The following PTGER3 variants were observed in gnomAD, a reference collection of about 807,000 sequenced individuals.
The protein encoded by PTGER3 is prostaglandin E receptor 3, also known as prostaglandin E2 receptor EP3 subtype.
PTGER3 carries 22 observed loss-of-function variants against 34.7 expected under a neutral mutation model. The observed-to-expected ratio is 0.63, with a 90% CI of 0.45 to 0.91. PTGER3 has a LOEUF of 0.91. PTGER3 is among the 40% of genes least tolerant of loss of function. The pLI is 0.00. For missense variants in PTGER3, 468 were observed against 519.4 expected, an observed-to-expected ratio of 0.90 and a Z score of 0.96; for synonymous variants, 241 against 230.1, an observed-to-expected ratio of 1.05 and a Z score of -0.43.
chr1:71,019,321 C>T (rs1349115434), intron 1 of PTGER3, among the ~76,000 whole-genome samples: 1 of 152,160 alleles, frequency 6.6e-6, no homozygotes, highest in Non-Finnish European at 1.5e-5. Context: ...TTTCAAACAG[C>T]CTCATATAAC....
At chr1:70,920,313 T>C (rs1647403669) in intron 4 of PTGER3, among the ~76,000 whole-genome samples, 1 of 152,196 alleles carries the variant, frequency 6.6e-6, no homozygotes, top group South Asian at 2.1e-4. Flanking sequence ...TACTTTCTTG[T>C]TAAAATGGCA....
At chr1:70,907,844 G>A (rs776473571) in intron 4 of PTGER3, among the ~76,000 whole-genome samples, 2 of 152,184 alleles carry the variant, frequency 1.3e-5, no homozygotes, top group Admixed American at 6.5e-5. Flanking sequence ...TTTCATGTGA[G>A]CTGAAAGCGG....
intron 2 of PTGER3, among the ~76,000 whole-genome samples, chr1:70,955,204 T>C (rs1322225402): frequency 6.6e-6 from 1 of 152,166 alleles, no homozygotes; most frequent in Admixed American, 6.5e-5. Flanking sequence ...GGAAGTAAGT[T>C]AATTAAGCCA....
intron 4 of PTGER3, among the ~76,000 whole-genome samples, chr1:70,900,128 C>T (rs1232966566): frequency 6.6e-6 from 1 of 152,130 alleles, no homozygotes; most frequent in Non-Finnish European, 1.5e-5. Flanking sequence ...TGTTTTGATA[C>T]AAAGCTTGTT....
At chr1:70,986,445 CCTAAGGCAA>C (rs1181218054) in intron 2 of PTGER3, among the ~76,000 whole-genome samples, 4 of 152,112 alleles carry the variant, frequency 2.6e-5, no homozygotes, top group Non-Finnish European at 4.4e-5. Flanking sequence ...AGGGGACGAG[CCTAAGGCAA>C]TGGACTGGAG....
intron 1 of PTGER3, among the ~76,000 whole-genome samples, chr1:71,027,638 A>G (rs1659051113): frequency 6.6e-6 from 1 of 152,234 alleles, no homozygotes; most frequent in Admixed American, 6.5e-5. Context: ...TTGGAAAATC[A>G]TCAGTCTAAT....
At chr1:71,037,407 G>A (rs894718637) in intron 1 of PTGER3, among the ~76,000 whole-genome samples, 5 of 152,174 alleles carry the variant, frequency 3.3e-5, no homozygotes, top group Admixed American at 6.5e-5. Flanking sequence ...CTCGAGCAAC[G>A]TAACTGCTCA....
Position 70,964,541 on chromosome 1 carries a change from A to G in PTGER3, c.1078-10752T>C, listed in dbSNP as rs1265965468. ...CAGGGGAACTCCCCTTTATAAAACC[A>G]TCATCTCTTGTGAGATGTATTCACT... On this transcript the variant is annotated intron_variant, in intron 2 of 3. Coordinates refer to the PTGER3 transcript ENST00000356595. Among the ~76,000 whole-genome samples the G allele has an allele frequency of 2.0e-5, 3 of 152,106 alleles. No individual in the cohort carries two copies. In the East Asian group the frequency reaches 5.8e-4, roughly 29 times the overall value.
chr1:70,953,799 A>G (rs966124202), intron 2 of PTGER3: 1 of 1,287,462 alleles, frequency 7.8e-7, no homozygotes, highest in South Asian at 1.5e-5. Context: ...TCTGAAAAAG[A>G]GTAATAACAG....
At chr1:70,933,985 T>G (rs949645150) in intron 4 of PTGER3, among the ~76,000 whole-genome samples, 6 of 152,148 alleles carry the variant, frequency 3.9e-5, no homozygotes, top group African/African-American at 1.4e-4. Flanking sequence ...AGTATGCACA[T>G]GGAAGAATAG....
intron 1 of PTGER3, among the ~76,000 whole-genome samples, chr1:71,042,695 AT>A (rs1660421583): frequency 6.6e-6 from 1 of 152,210 alleles, no homozygotes; most frequent in African/African-American, 2.4e-5. Flanking sequence ...ATTTCTGAAA[AT>A]AATTCATCAT....
intron 3 of PTGER3, among the ~76,000 whole-genome samples, chr1:70,953,278 G>T (rs1046589460): frequency 6.6e-6 from 1 of 152,102 alleles, no homozygotes; most frequent in African/African-American, 2.4e-5. Context: ...AGGGATTTGA[G>T]CATCCTGGGA....
At chr1:71,006,468 G>T (rs1656976700) in intron 2 of PTGER3, 1 of 985,400 alleles carries the variant, frequency 1.0e-6, no homozygotes, top group Non-Finnish European at 1.2e-6. Context: ...TTAAAGGGTT[G>T]TACTATGAGC....
chr1:71,044,005 C>T (rs1362297030), intron 1 of PTGER3, among the ~76,000 whole-genome samples: 5 of 151,238 alleles, frequency 3.3e-5, no homozygotes, highest in Admixed American at 3.3e-4. Context: ...TTAGTAGAGG[C>T]GGGGTTTGGC....
rs35755252 is a variant in PTGER3, at chr1:70,862,253, TA to T, written c.*24-9395del. On this transcript the variant is annotated intron_variant, in intron 4 of 4. Coordinates refer to the PTGER3 transcript ENST00000370931. ...CAAATGGAGATTTAAACATACTAAGTAAAAAAAAATATTAATAGTAACTGGT... is the reference window on the plus strand; with the variant it reads ...CAAATGGAGATTTAAACATACTAAGTAAAAAAAATATTAATAGTAACTGGT... The T allele has an allele frequency of 1.5e-3, 1,427 of 947,238 alleles. 11 individuals are homozygous for T. In the African/African-American group the frequency reaches 0.017, roughly 11 times the overall value. 58.7% of individuals were successfully genotyped at this position (947,238 alleles called of 1,614,324 possible). A position where few individuals can be genotyped will look rare whatever the true frequency, so the allele number is the denominator to read the frequency against.
chr1:70,975,179 T>C (rs1179874336), intron 2 of PTGER3, among the ~76,000 whole-genome samples: 2 of 152,176 alleles, frequency 1.3e-5, no homozygotes, highest in African/African-American at 2.4e-5. Flanking sequence ...GAACTGTGCC[T>C]GGTTTTGCTT....
At chr1:70,900,748 C>T (rs968411136) in intron 4 of PTGER3, among the ~76,000 whole-genome samples, 2 of 152,074 alleles carry the variant, frequency 1.3e-5, no homozygotes, top group African/African-American at 2.4e-5. Flanking sequence ...TGTAGAGCAC[C>T]CCCATTATAC....
At chr1:71,022,097 T>A (rs759123073) in intron 1 of PTGER3, among the ~76,000 whole-genome samples, 54 of 151,922 alleles carry the variant, frequency 3.6e-4, no homozygotes, top group Non-Finnish European at 5.6e-4. Context: ...TTTTCTTCTC[T>A]GTATGTTTTC....
intron 4 of PTGER3, among the ~76,000 whole-genome samples, chr1:70,937,663 A>G (rs1440881884): frequency 6.6e-6 from 1 of 152,186 alleles, no homozygotes; most frequent in Non-Finnish European, 1.5e-5. Flanking sequence ...GGTCACTCTC[A>G]CATAGAAAAT....
Sources: gnomAD v4.1 joint callset for allele counts (sites outside exome capture counted in the v4.1 genomes callset) on GRCh38, gnomAD v4.1.1 for gene constraint, MANE v1.5 for transcripts, NCBI Gene and HGNC (gene_info 2026-07-23, HGNC 2026-07-21) for gene names.